Variants in RABEP1 observed in about 807,000 individuals in gnomAD.
RABEP1 encodes rab GTPase-binding effector protein 1.
RABEP1 carries 51 observed loss-of-function variants against 123.4 expected under a neutral mutation model. The ratio of observed to expected loss-of-function variants is 0.41; its 90% CI spans 0.33 to 0.52. The LOEUF (loss-of-function observed/expected upper bound fraction) is 0.52, where lower values mean the gene tolerates loss of function less well. RABEP1 is among the 20% of genes least tolerant of loss of function. The probability of loss-of-function intolerance (pLI) is 0.16; values close to 1 mark genes in which losing one functional copy is unlikely to be tolerated. For missense variants in RABEP1, 888 were observed against 996.3 expected (o/e 0.89, Z 1.46); for synonymous variants, 347 against 355.2 (o/e 0.98, Z 0.26).
intron 2 of RABEP1, among the ~76,000 whole-genome samples, chr17:5,321,026 T>G (rs1477498159): frequency 6.6e-6 from 1 of 152,246 alleles, no homozygotes; most frequent in Non-Finnish European, 1.5e-5. Context: ...GAAACCCACT[T>G]TGGCTGGGTG....
chr17:5,311,884 A>G (rs919711511), intron 2 of RABEP1, among the ~76,000 whole-genome samples: 2 of 152,166 alleles, frequency 1.3e-5, no homozygotes, highest in African/African-American at 4.8e-5. Flanking sequence ...TTAAACATAT[A>G]AATGCCAAGA....
intron 13 of RABEP1, 124 bp downstream of exon 13, chr17:5,373,578 A>T (rs1910707315): frequency 8.9e-7 from 1 of 1,122,014 alleles, no homozygotes; most frequent in Admixed American, 2.8e-5. Context: ...TTTAAAATGT[A>T]CCATTCAGTG....
At chr17:5,332,243 A>G in intron 3 of RABEP1, 91 bp downstream of exon 3, 1 of 1,252,940 alleles carries the variant, frequency 8.0e-7, no homozygotes, top group Non-Finnish European at 1.1e-6. Flanking sequence ...AAATATATAC[A>G]GAGTTTCATT....
At chr17:5,365,072 A>C in intron 10 of RABEP1, 50 bp from the exon 11 acceptor site, 1 of 1,295,226 alleles carries the variant, frequency 7.7e-7, no homozygotes, top group Non-Finnish European at 1.1e-6. Context: ...AAAAAAAAAA[A>C]AATTATAAAA....
Position 5,323,805 on chromosome 17 carries a change from TATATATATCTAGGA to T in RABEP1, c.164-8135_164-8122del, listed in dbSNP as rs1393905512. ...ATATATATATATATCTAGGAATATA[TATATATATCTAGGA>T]ATATATATATATATCTAGGAATATA... On this transcript the variant is annotated intron_variant, in intron 2 of 17. Coordinates refer to ENST00000537505, the MANE Select transcript of RABEP1 (RefSeq NM_004703.6). Among the ~76,000 whole-genome samples, 86 of 113,694 alleles carry T rather than the reference TATATATATCTAGGA, an allele frequency of 7.6e-4. 6 individuals carry two copies. The highest frequency in any genetic ancestry group is 3.1e-3 in the African/African-American group (82 of 26,490). 74.6% of individuals were successfully genotyped at this position (113,694 alleles called of 152,430 possible). A position where few individuals can be genotyped will look rare whatever the true frequency, so the allele number is the denominator to read the frequency against.
intron 9 of RABEP1, 46 bp downstream of exon 9, chr17:5,361,721 C>A: frequency 6.9e-7 from 1 of 1,449,284 alleles, no homozygotes; most frequent in Non-Finnish European, 9.4e-7. Flanking sequence ...CGCTGAGGCA[C>A]ACTGGGAAGC....
intron 13 of RABEP1, among the ~76,000 whole-genome samples, chr17:5,376,115 T>G (rs1273603836): frequency 2.6e-5 from 4 of 152,158 alleles, no homozygotes; most frequent in African/African-American, 9.7e-5. Flanking sequence ...GTGCTGGGAT[T>G]ACAGGCTTTA....
chr17:5,309,244 CATT>C (rs1229164851), intron 2 of RABEP1, among the ~76,000 whole-genome samples: 7 of 152,100 alleles, frequency 4.6e-5, no homozygotes, highest in South Asian at 2.1e-4. Flanking sequence ...ATGAGGCAGA[CATT>C]ATACTTGTGT....
At chr17:5,340,522 A>G (rs1907499348) in intron 5 of RABEP1, among the ~76,000 whole-genome samples, 1 of 152,114 alleles carries the variant, frequency 6.6e-6, no homozygotes, top group African/African-American at 2.4e-5. Flanking sequence ...TTCTGTAACT[A>G]TGGGTTATTC....
intron 6 of RABEP1, among the ~76,000 whole-genome samples, chr17:5,349,219 A>G (rs16954552): frequency 0.14 from 21,140 of 152,206 alleles, 1,549 homozygotes; most frequent in East Asian, 0.17. Context: ...TAGAAAGTTC[A>G]GTCTCATAGC....
chr17:5,367,245 TACACACAC>T (rs145302611), intron 11 of RABEP1, among the ~76,000 whole-genome samples: 5 of 147,666 alleles, frequency 3.4e-5, no homozygotes, highest in Admixed American at 6.8e-5. Flanking sequence ...AGAACTTAGA[TACACACAC>T]ACACACACAC....
chr17:5,359,126 T>G (rs1272510733), intron 8 of RABEP1, among the ~76,000 whole-genome samples: 5 of 150,600 alleles, frequency 3.3e-5, no homozygotes, highest in Non-Finnish European at 2.9e-5. Context: ...CAGGCTGGAG[T>G]GCAGTGGTGT....
chr17:5,332,489 G>A (rs1906642423), intron 3 of RABEP1, among the ~76,000 whole-genome samples: 1 of 152,110 alleles, frequency 6.6e-6, no homozygotes, highest in South Asian at 2.1e-4. Flanking sequence ...CACAGGGAAT[G>A]TGCTGGAGTA....
chr17:5,307,588 T>C (rs1429866601), intron 1 of RABEP1, among the ~76,000 whole-genome samples: 1 of 152,170 alleles, frequency 6.6e-6, no homozygotes, highest in Non-Finnish European at 1.5e-5. Context: ...CGATATCCCC[T>C]AAAGGGATTA....
intron 11 of RABEP1, among the ~76,000 whole-genome samples, chr17:5,367,579 C>CT (rs766558158): frequency 3.3e-4 from 49 of 148,620 alleles, no homozygotes; most frequent in Admixed American, 8.9e-4. Flanking sequence ...AAGGGTAAAA[C>CT]TTTTTTTTAA....
chr17:5,330,986 T>A (rs1906480850), intron 2 of RABEP1, among the ~76,000 whole-genome samples: 1 of 149,698 alleles, frequency 6.7e-6, no homozygotes. Flanking sequence ...TTTGCGTCAC[T>A]GCACTCCAGC....
At chr17:5,308,670 T>C (rs1299371828) in intron 1 of RABEP1, 24 bp from the exon 2 acceptor site, 1 of 1,597,840 alleles carries the variant, frequency 6.3e-7, no homozygotes, top group African/African-American at 1.3e-5. Context: ...TTATTACTTG[T>C]TAACTAGTGT....
rs890350039 is a variant in RABEP1 at position 5,306,420 on chromosome 17, G to A, written c.35-2274G>A. On this transcript the variant is annotated intron_variant, in intron 1 of 17. Coordinates refer to ENST00000537505, the MANE Select transcript of RABEP1 (RefSeq NM_004703.6). The stretch of plus-strand genomic sequence containing the variant: ...AGGTGGGTGGATCACCTGAGGTCAG[G>A]AGGTCAAGACCAGCCTGGGCAACAT... 3.9e-4 allele frequency among the ~76,000 whole-genome samples: 60 copies of A among 152,188 alleles called. 1 individual carries two copies. The highest frequency in any genetic ancestry group is 8.4e-4 in the Non-Finnish European group (57 of 68,040).
chr17:5,363,750 A>C (rs1245084735), intron 10 of RABEP1, among the ~76,000 whole-genome samples: 1 of 152,100 alleles, frequency 6.6e-6, no homozygotes, highest in East Asian at 1.9e-4. Context: ...AGTGCATATT[A>C]CTCATTTCTT....
Sources: allele counts gnomAD v4.1 joint callset (sites outside exome capture counted in the v4.1 genomes callset), GRCh38; gene constraint gnomAD v4.1.1; transcripts MANE v1.5; gene names NCBI Gene and HGNC (gene_info 2026-07-23, HGNC 2026-07-21).